RALGDS: variants seen among roughly 807,000 people sequenced by gnomAD.
RALGDS encodes ral guanine nucleotide exchange factor.
A neutral mutation model predicts 99.8 loss-of-function variants in RALGDS; 44 were observed. That is an observed-to-expected ratio of 0.44 (90% confidence interval 0.35 to 0.57). RALGDS has a LOEUF of 0.57. Among genes scored for constraint, RALGDS ranks in the 20% least tolerant of loss-of-function variants. The pLI is 0.01. For missense variants in RALGDS, 1,022 were observed against 1,203.1 expected, an observed-to-expected ratio of 0.85 and a Z score of 2.23; for synonymous variants, 529 against 505.0, an observed-to-expected ratio of 1.05 and a Z score of -0.64.
At chr9:133,143,745 A>AATC (rs1832564622) in intron 1 of RALGDS, among the ~76,000 whole-genome samples, 1 of 98,904 alleles carries the variant, frequency 1.0e-5, no homozygotes, top group East Asian at 2.6e-4. Context: ...TCTCAATAAT[A>AATC]ATAATAATAA....
At position 133,136,756 on chromosome 9, in the gene RALGDS, G is replaced by A. The variant is rs140205069; in HGVS notation, c.18+12207C>T. 4.4e-3 allele frequency among the ~76,000 whole-genome samples: 673 copies of A among 152,200 alleles called. 11 individuals are homozygous for A. Among genetic ancestry groups the A allele is most frequent in the African/African-American group, 0.014 (601 of 41,508 alleles). ...ACTGCACTCCAGCCTGGGCGACAGA[G>A]CAAGACTCCATCTCAAAAACAAACA... is the stretch of plus-strand genomic sequence containing the variant. On this transcript the variant is annotated intron_variant, in intron 1 of 17. Transcript: ENST00000393160.
intron 9 of RALGDS, among the ~76,000 whole-genome samples, chr9:133,104,900 T>C (rs1044492959): frequency 5.9e-5 from 9 of 152,184 alleles, no homozygotes; most frequent in African/African-American, 9.7e-5. Context: ...CTTTCTCCCT[T>C]GAACCTTCCA....
At chr9:133,108,894 C>CAG (rs1831204094) in intron 4 of RALGDS, 28 bp from the exon 5 acceptor site, 7 of 1,591,628 alleles carry the variant, frequency 4.4e-6, no homozygotes, top group Non-Finnish European at 6.0e-6. Context: ...GCAGCAGAGT[C>CAG]AGAGGCCTGG....
At chr9:133,149,064 A>T (rs1487523382) in exon 1 of RALGDS, 2 of 1,129,132 alleles carry the variant, frequency 1.8e-6, no homozygotes, top group Non-Finnish European at 2.2e-6. Context: ...CGCGCGGCGC[A>T]GGGGTGCGCC....
intron 1 of RALGDS, among the ~76,000 whole-genome samples, chr9:133,116,546 A>G (rs1322843112): frequency 6.6e-6 from 1 of 152,238 alleles, no homozygotes; most frequent in Non-Finnish European, 1.5e-5. Context: ...GTCCACGCCC[A>G]GCCCCTGACA....
chr9:133,140,286 C>A (rs1314989422), intron 1 of RALGDS, among the ~76,000 whole-genome samples: 1 of 152,118 alleles, frequency 6.6e-6, no homozygotes, highest in Non-Finnish European at 1.5e-5. Context: ...GGGCACCCCC[C>A]CACACACACA....
intron 1 of RALGDS, among the ~76,000 whole-genome samples, chr9:133,138,361 C>T (rs544762282): frequency 1.3e-5 from 2 of 152,310 alleles, no homozygotes; most frequent in Admixed American, 1.3e-4. Context: ...TTGGCTTCTC[C>T]CCTGGAAGGC....
chr9:133,104,297 T>C lies in RALGDS; in HGVS notation c.1637A>G (p.Asn546Ser). Residue 546 changes from asparagine to serine, a missense_variant, in exon 10 of 18, where the codon AAC becomes AGC. Asn to Ser is a conservative substitution (Grantham distance 46). Coordinates refer to ENST00000372050, the MANE Select transcript of RALGDS (RefSeq NM_006266.4). ...CGGCCGTTTCTGGGCTCTCTTGGGG[T>C]TCATCTCCAGGGTGGCAAACTTGGA... ...GTSKFATLEM[N>S]PKRAQKRPKE... The C allele has an allele frequency of 1.2e-6, 2 of 1,613,856 alleles. No homozygotes were observed. The highest frequency in any genetic ancestry group is 1.7e-6 in the Non-Finnish European group (2 of 1,179,850).
At chr9:133,109,089 C>T (rs1478062778) in intron 4 of RALGDS, among the ~76,000 whole-genome samples, 1 of 152,232 alleles carries the variant, frequency 6.6e-6, no homozygotes, top group East Asian at 1.9e-4. Context: ...AGCACCCCCT[C>T]CTCGCTGGAA....
intron 1 of RALGDS, among the ~76,000 whole-genome samples, chr9:133,137,006 G>A (rs1265681127): frequency 1.3e-5 from 2 of 152,016 alleles, no homozygotes; most frequent in African/African-American, 2.4e-5. Flanking sequence ...AGGCCGAGGC[G>A]GGCGGATCAC....
chr9:133,121,115 C>T lies in RALGDS; in HGVS notation c.40G>A (p.Gly14Ser). The T allele has an allele frequency of 1.4e-6, 2 of 1,466,540 alleles. No individual in the cohort carries two copies. Among genetic ancestry groups the T allele is most frequent in the African/African-American group, 1.5e-5 (1 of 67,780 alleles). 90.8% of individuals were successfully genotyped at this position (1,466,540 alleles called of 1,614,324 possible). A position where few individuals can be genotyped will look rare whatever the true frequency, so the allele number is the denominator to read the frequency against. ...CCCGGAAACAGCGGCTCGGCGCCGCCAGCAGGCCCGGCCGCCTCGGCCCAC... is the reference window on the plus strand; with the variant it reads ...CCCGGAAACAGCGGCTCGGCGCCGCTAGCAGGCCCGGCCGCCTCGGCCCAC... ...RMWAEAAGPA[G>S]GAEPLFPGSR... Residue 14 changes from glycine (G) to serine (S), a missense_variant, in exon 1 of 18, where the codon GGC becomes AGC. Physicochemically the swap from Gly to Ser is moderately conservative, Grantham distance 56. Transcript: ENST00000372050.
At position 133,142,420 on chromosome 9, in the gene RALGDS, C is replaced by G. The variant is rs79155577; in HGVS notation, c.18+6543G>C. Among the ~76,000 whole-genome samples the G allele has an allele frequency of 3.6e-3, 548 of 152,308 alleles. 1 individual carries two copies. Among genetic ancestry groups the G allele is most frequent in the African/African-American group, 0.013 (521 of 41,560 alleles). On this transcript the variant is annotated intron_variant, in intron 1 of 17. Coordinates refer to the RALGDS transcript ENST00000393160. ...CGGAAAGCCCATCGGAAAGCCCCAGCCCGGAGCCTTCCTGCAGGCAAGTAT... is the reference window on the plus strand; with the variant it reads ...CGGAAAGCCCATCGGAAAGCCCCAGGCCGGAGCCTTCCTGCAGGCAAGTAT...
intron 1 of RALGDS, among the ~76,000 whole-genome samples, chr9:133,137,342 C>G (rs191900462): frequency 6.6e-6 from 1 of 152,366 alleles, no homozygotes; most frequent in Non-Finnish European, 1.5e-5. Context: ...GTCCTGATGC[C>G]TAGAACAGCA....
chr9:133,112,216 G>A, intron 1 of RALGDS, 64 bp from the exon 2 acceptor site: 4 of 1,091,928 alleles, frequency 3.7e-6, no homozygotes, highest in Middle Eastern at 2.7e-4. Flanking sequence ...CCACCGTGCA[G>A]GGGATGCACC....
rs779834265 is a variant in RALGDS at position 133,107,069 on chromosome 9, CCCT to C, written c.1413+13_1413+15del. On this transcript the variant is annotated intron_variant, in intron 7 of 17. Transcript: ENST00000372050. Reference sequence around the variant, plus strand: ...ATGAAGCCAAAGTGGGGGCCCAGGCCCCTCCTCTGGCATACCCTGGCCACCTCG... The same window carrying C: ...ATGAAGCCAAAGTGGGGGCCCAGGCCCCTCTGGCATACCCTGGCCACCTCG... 6.2e-7 allele frequency: 1 copy of C among 1,612,860 alleles called. No homozygotes were observed. Among genetic ancestry groups the C allele is most frequent in the Non-Finnish European group, 8.5e-7 (1 of 1,179,784 alleles).
chr9:133,115,892 C>T (rs1271018348), intron 1 of RALGDS, among the ~76,000 whole-genome samples: 3 of 152,242 alleles, frequency 2.0e-5, no homozygotes, highest in African/African-American at 7.2e-5. Context: ...CGCTCCAATA[C>T]AGAAGCCAAA....
At chr9:133,098,912 A>T in intron 17 of RALGDS, 150 bp from the exon 18 acceptor site, 1 of 717,042 alleles carries the variant, frequency 1.4e-6, no homozygotes, top group Non-Finnish European at 2.4e-6. Flanking sequence ...GACCCCTCTC[A>T]ATGACTCCTG....
intron 16 of RALGDS, 121 bp from the exon 17 acceptor site, chr9:133,100,503 G>A: frequency 6.3e-7 from 1 of 1,584,510 alleles, no homozygotes; most frequent in Non-Finnish European, 8.6e-7. Context: ...CACAGCCTCT[G>A]GCCAGGTGCT....
chr9:133,107,839 G>A, intron 6 of RALGDS, 149 bp downstream of exon 6: 1 of 1,010,318 alleles, frequency 9.9e-7, no homozygotes. Context: ...AGGACTTGGG[G>A]TTAAGGAACG....
Sources: gnomAD v4.1 joint callset for allele counts (sites outside exome capture counted in the v4.1 genomes callset) on GRCh38, gnomAD v4.1.1 for gene constraint, MANE v1.5 for transcripts, NCBI Gene and HGNC (gene_info 2026-07-23, HGNC 2026-07-21) for gene names.